The following THOC6 variants were observed in gnomAD, a reference collection of about 807,000 sequenced individuals.
The protein encoded by THOC6 is THO complex 6.
In THOC6, 39 loss-of-function variants were observed where a neutral mutation model predicts 55.8. The ratio of observed to expected loss-of-function variants is 0.70; its 90% CI spans 0.54 to 0.91. THOC6 has a LOEUF of 0.91. THOC6 is among the 40% of genes least tolerant of loss of function. THOC6 has a pLI of 0.00. For missense variants in THOC6, 482 were observed against 442.0 expected, an observed-to-expected ratio of 1.09 and a Z score of -0.81; for synonymous variants, 192 against 175.6, an observed-to-expected ratio of 1.09 and a Z score of -0.74.
rs1470244172 is a variant in THOC6, at chr16:3,024,067, C to G, written c.-260C>G. 1 of 827,058 alleles carries G rather than the reference C, an allele frequency of 1.2e-6. No homozygotes were observed. The highest frequency in any genetic ancestry group is 1.7e-5 in the African/African-American group (1 of 58,048). 51.2% of individuals were successfully genotyped at this position (827,058 alleles called of 1,614,324 possible). A position where few individuals can be genotyped will look rare whatever the true frequency, so the allele number is the denominator to read the frequency against. On this transcript the variant is annotated 5_prime_UTR_variant, in exon 1 of 13. Transcript: ENST00000326266. ...CGAGGTTCTGCGCGGGCGCGGAAGACGGGCGGCGCGTGGCGGAAGGCAGGC... is the reference window on the plus strand; with the variant it reads ...CGAGGTTCTGCGCGGGCGCGGAAGAGGGGCGGCGCGTGGCGGAAGGCAGGC...
intron 9 of THOC6, 34 bp downstream of exon 9, chr16:3,026,950 C>T (rs371666310): frequency 5.0e-6 from 8 of 1,614,024 alleles, no homozygotes; most frequent in Non-Finnish European, 6.8e-6. Flanking sequence ...GTCCTCTTCT[C>T]CCCCAACTCC....
rs765444116 is a variant in THOC6 at position 3,025,975 on chromosome 16, G to A, written c.207G>A (p.Val69=). The change falls in exon 3 of 13, where the codon GTG becomes GTA. Residue 69 remains valine (V), a synonymous_variant. Transcript: ENST00000326266. ...CCAAAGAGGAAAGTAAGAAGCCGGT[G>A]GTGACTTTCCAAGGTGGGTATACCT... ...SEAKEESKKP[V]VTFQAHDGPV... is the part of the protein sequence containing the mutation. 1 of 1,614,248 alleles carries A rather than the reference G, an allele frequency of 6.2e-7. No individual in the cohort carries two copies. Among genetic ancestry groups the A allele is most frequent in the Admixed American group, 1.7e-5 (1 of 60,028 alleles).
In THOC6 at chr16:3,024,226, C is replaced by T. The variant is rs2072718948; in HGVS notation, c.-101C>T. ...ACGGTACGCACCAGCCACCTTCGCG[C>T]CGAAGGCGGTAGGGCGCCACGGAGA... is the stretch of plus-strand genomic sequence containing the variant. On this transcript the variant is annotated 5_prime_UTR_variant, in exon 1 of 13. Coordinates refer to ENST00000326266, the MANE Select transcript of THOC6 (RefSeq NM_024339.5). The T allele has an allele frequency of 2.0e-6, 3 of 1,497,404 alleles. No individual in the cohort carries two copies. Among genetic ancestry groups the T allele is most frequent in the Non-Finnish European group, 1.8e-6 (2 of 1,083,674 alleles). The allele number at this position is 1,497,404 out of a possible 1,614,324, so 92.8% of individuals were successfully genotyped here.
In THOC6 at chr16:3,024,159, C is replaced by CG; in HGVS notation, c.-163dup. ...TGCGGTGGACACCACTTCTTAATGT[C>CG]GGGGGTCTTCGCGGCGCTCACCTCG... On this transcript the variant is annotated 5_prime_UTR_variant, in exon 1 of 13. An upstream open reading frame in the 5' UTR gains an earlier in-frame stop. Transcript: ENST00000326266. 1.3e-6 allele frequency: 1 copy of CG among 796,670 alleles called. No individual in the cohort carries two copies. The highest frequency in any genetic ancestry group is 1.6e-5 in the South Asian group (1 of 61,374). The allele number at this position is 796,670 out of a possible 1,614,324, so 49.4% of individuals were successfully genotyped here.
Position 3,024,353 on chromosome 16 carries a change from G to T in THOC6, c.27G>T (p.Val9=), listed in dbSNP as rs200613807. The T allele has an allele frequency of 2.9e-5, 47 of 1,614,158 alleles. No individual in the cohort carries two copies. The Admixed American group carries it at 7.2e-4, about 25-fold the overall frequency. ...TGGAGCGAGCTGTGCCGCTCGCGGT[G>T]CCTCTGGGTCAGGTGAGACGGACGT... The part of the protein sequence containing the change: MERAVPLA[V]PLGQTEVFQA... Residue 9 remains valine, a synonymous_variant, in exon 1 of 13, where the codon GTG becomes GTT. Transcript: ENST00000326266.
chr16:3,025,662 A>C (rs1432858622), intron 1 of THOC6, 46 bp from the exon 2 acceptor site: 22 of 1,546,682 alleles, frequency 1.4e-5, no homozygotes, highest in Non-Finnish European at 2.0e-5. Context: ...TGTGGATGGG[A>C]GGTTTCATAC....
At position 3,027,709 on chromosome 16, in the gene THOC6, CTTTTTTTT is replaced by C; in HGVS notation, c.*62_*69del. ...AGGGTTTTAGAGTGTTTTTCATTTT[CTTTTTTTT>C]TTTTTTTTTACAATAAAGTTTCAGG... On this transcript the variant is annotated 3_prime_UTR_variant, in exon 13 of 13. Transcript: ENST00000326266. 4 of 1,350,144 alleles carry C rather than the reference CTTTTTTTT, an allele frequency of 3.0e-6. No homozygotes were observed. The highest frequency in any genetic ancestry group is 3.0e-6 in the Non-Finnish European group (3 of 1,008,930). The allele number at this position is 1,350,144 out of a possible 1,614,324, so 83.6% of individuals were successfully genotyped here.
chr16:3,024,215 C>A lies in THOC6; in HGVS notation c.-112C>A. On this transcript the variant is annotated 5_prime_UTR_variant, in exon 1 of 13. Coordinates refer to ENST00000326266, the MANE Select transcript of THOC6 (RefSeq NM_024339.5). ...TAGGGTTCGGGACGGTACGCACCAG[C>A]CACCTTCGCGCCGAAGGCGGTAGGG... 1 of 1,381,956 alleles carries A rather than the reference C, an allele frequency of 7.2e-7. No individual in the cohort carries two copies. The highest frequency in any genetic ancestry group is 2.4e-5 in the East Asian group (1 of 42,026). The allele number at this position is 1,381,956 out of a possible 1,614,324, so 85.6% of individuals were successfully genotyped here.
Position 3,026,417 on chromosome 16 carries a change from T to C in THOC6, c.411+4T>C. On this transcript the variant is annotated splice_donor_region_variant and intron_variant, in intron 6 of 12. Coordinates refer to ENST00000326266, the MANE Select transcript of THOC6 (RefSeq NM_024339.5). ...CGCTTTGCTGCTGGTCCCCAAGGTC[T>C]GAGCCCCATGTGACTGTTCTTGGTC... The C allele has an allele frequency of 6.2e-7, 1 of 1,614,090 alleles. No individual in the cohort carries two copies. Among genetic ancestry groups the C allele is most frequent in the African/African-American group, 1.3e-5 (1 of 75,032 alleles).
In THOC6 at chr16:3,027,470, C is replaced by T; in HGVS notation, c.915C>T (p.Leu305=). ...CCCCAGGGCTGCTCAGCCTCAGCCT[C>T]AACCAGCAGCCTGCCGCGCCTGAGT... ...GSSPGLLSLS[L]NQQPAAPECK... is the part of the protein sequence containing the mutation. The change falls in exon 12 of 13, where the codon CTC becomes CTT. Residue 305 remains leucine (L), a synonymous_variant. Transcript: ENST00000326266. The T allele has an allele frequency of 6.2e-7, 1 of 1,610,390 alleles. No homozygotes were observed. Among genetic ancestry groups the T allele is most frequent in the Non-Finnish European group, 8.5e-7 (1 of 1,178,168 alleles).
In THOC6 at chr16:3,025,891, C is replaced by T. The variant is rs758973553; in HGVS notation, c.156-33C>T. The T allele has an allele frequency of 8.1e-6, 13 of 1,614,104 alleles. No homozygotes were observed. In the Admixed American group the frequency reaches 8.3e-5, roughly 10 times the overall value. On this transcript the variant is annotated intron_variant, in intron 2 of 12. Transcript: ENST00000326266. ...CCTCATGGGACGGATGCCCCCGTTTCTGACTCCTGGGTCCCCTCCGCTGTC... is the reference window on the plus strand; with the variant it reads ...CCTCATGGGACGGATGCCCCCGTTTTTGACTCCTGGGTCCCCTCCGCTGTC...
intron 1 of THOC6, 38 bp from the exon 2 acceptor site, chr16:3,025,670 T>C (rs760187571): frequency 6.3e-7 from 1 of 1,586,936 alleles, no homozygotes; most frequent in African/African-American, 1.3e-5. Flanking sequence ...GGAGGTTTCA[T>C]ACGTCCCAGG....
chr16:3,026,096 C>T lies in THOC6; in HGVS notation c.254C>T (p.Thr85Ile). Reference sequence around the variant, plus strand: ...GGGCCCGTCTATAGCATGGTTTCCACCGATCGACATCTGCTTAGTGCTGGG... The same window carrying T: ...GGGCCCGTCTATAGCATGGTTTCCATCGATCGACATCTGCTTAGTGCTGGG... ...HDGPVYSMVS[T>I]DRHLLSAGDG... The change falls in exon 4 of 13, where the codon ACC becomes ATC. Residue 85 changes from threonine to isoleucine, a missense_variant. Thr to Ile is a moderately conservative substitution (Grantham distance 89, BLOSUM62 -1). Transcript: ENST00000326266. The T allele has an allele frequency of 6.2e-7, 1 of 1,609,474 alleles. No individual in the cohort carries two copies. The highest frequency in any genetic ancestry group is 1.3e-5 in the African/African-American group (1 of 74,922).
In THOC6 at chr16:3,026,586, C is replaced by A; in HGVS notation, c.482C>A (p.Thr161Lys). The part of the protein sequence containing the change: ...HTMDLETGTF[T>K]RVLRGHTDYI... Reference sequence around the variant, plus strand: ...ATGGACCTTGAAACTGGGACTTTCACGGTGAGCAGGGTCCTGGAGCCCTAG... The same window carrying A: ...ATGGACCTTGAAACTGGGACTTTCAAGGTGAGCAGGGTCCTGGAGCCCTAG... Residue 161 changes from threonine (T) to lysine (K), a missense_variant and splice_region_variant, in exon 7 of 13, where the codon ACG becomes AAG. Coordinates refer to ENST00000326266, the MANE Select transcript of THOC6 (RefSeq NM_024339.5). 1 of 1,613,864 alleles carries A rather than the reference C, an allele frequency of 6.2e-7. No homozygotes were observed. Among genetic ancestry groups the A allele is most frequent in the African/African-American group, 1.3e-5 (1 of 74,972 alleles).
At position 3,027,449 on chromosome 16, in the gene THOC6, A is replaced by C; in HGVS notation, c.894A>C (p.Pro298=). 6.2e-7 allele frequency: 1 copy of C among 1,611,224 alleles called. No homozygotes were observed. The highest frequency in any genetic ancestry group is 1.7e-5 in the Admixed American group (1 of 59,954). The change falls in exon 12 of 13, where the codon CCA becomes CCC. Residue 298 remains proline, a synonymous_variant. Coordinates refer to ENST00000326266, the MANE Select transcript of THOC6 (RefSeq NM_024339.5). ...ELKAQVPGSS[P]GLLSLSLNQQ... is the part of the protein sequence containing the mutation. ...AGGCCCAGGTGCCTGGCTCCTCCCC[A>C]GGGCTGCTCAGCCTCAGCCTCAACC...
In THOC6 at chr16:3,026,183, G is replaced by A. The variant is rs933716814; in HGVS notation, c.324+17G>A. On this transcript the variant is annotated intron_variant, in intron 4 of 12. Coordinates refer to ENST00000326266, the MANE Select transcript of THOC6 (RefSeq NM_024339.5). Reference sequence around the variant, plus strand: ...CTCAAGAAGGTAAGGAGTCGAGCTTGGGAAAGGGCTGGGGTGCCTGGACCC... The same window carrying A: ...CTCAAGAAGGTAAGGAGTCGAGCTTAGGAAAGGGCTGGGGTGCCTGGACCC... 22 of 1,611,918 alleles carry A rather than the reference G, an allele frequency of 1.4e-5. No homozygotes were observed. The African/African-American group carries it at 2.5e-4, about 19-fold the overall frequency.
intron 7 of THOC6, 35 bp downstream of exon 7, chr16:3,026,622 G>A: frequency 6.2e-7 from 1 of 1,612,902 alleles, no homozygotes; most frequent in Non-Finnish European, 8.5e-7. Context: ...AGCAGGTCTA[G>A]GTCAGGGAGA....
intron 1 of THOC6, 41 bp downstream of exon 1, chr16:3,024,406 G>A (rs745609681): frequency 5.6e-6 from 9 of 1,613,278 alleles, no homozygotes; most frequent in Non-Finnish European, 7.6e-6. Context: ...GGGGTTTGTA[G>A]TTCACGCATG....
In THOC6 at chr16:3,026,367, C is replaced by T; in HGVS notation, c.365C>T (p.Thr122Ile). The change falls in exon 6 of 13, where the codon ACC (threonine) becomes ATC (isoleucine). Residue 122 changes from threonine to isoleucine, a missense_variant and splice_region_variant. Transcript: ENST00000326266. The part of the protein sequence containing the change: ...ELWRRQPPYR[T>I]SLEVPEINAL... ...TGACCTTGCCTTTCCTTCCCCAGGA[C>T]CAGCCTGGAAGTGCCTGAGATCAAC... 3 of 1,614,086 alleles carry T rather than the reference C, an allele frequency of 1.9e-6. No homozygotes were observed. The highest frequency in any genetic ancestry group is 2.5e-6 in the Non-Finnish European group (3 of 1,180,034).
Sources: allele counts gnomAD v4.1 joint callset, GRCh38; gene constraint gnomAD v4.1.1; transcripts MANE v1.5; gene names NCBI Gene and HGNC (gene_info 2026-07-23, HGNC 2026-07-21).